Variants in KLHL8 observed in about 807,000 individuals in gnomAD.
The protein encoded by KLHL8 is kelch like family member 8.
A neutral mutation model predicts 63.5 loss-of-function variants in KLHL8; 38 were observed. The observed-to-expected ratio is 0.60, with a 90% CI of 0.46 to 0.78. The LOEUF is 0.78. Ranked by LOEUF, KLHL8 falls within the 30% of genes least tolerant of loss-of-function variation. KLHL8 has a pLI of 0.00. For synonymous variants in KLHL8, 224 were observed against 254.3 expected, an observed-to-expected ratio of 0.88 and a Z score of 1.13; for missense variants, 566 against 752.4, an observed-to-expected ratio of 0.75 and a Z score of 2.90.
intron 1 of KLHL8, among the ~76,000 whole-genome samples, chr4:87,226,701 A>ATT: frequency 6.8e-5 from 1 of 14,762 alleles, no homozygotes; most frequent in African/African-American, 3.7e-4. Context: ...TATATTATTT[A>ATT]TATATAATAT....
At chr4:87,212,385 G>T (rs1732436472) in intron 1 of KLHL8, among the ~76,000 whole-genome samples, 1 of 152,044 alleles carries the variant, frequency 6.6e-6, no homozygotes, top group South Asian at 2.1e-4. Context: ...TTCAAGACCA[G>T]CCTGAGCAAC....
intron 1 of KLHL8, among the ~76,000 whole-genome samples, chr4:87,230,145 C>T (rs1020472383): frequency 6.6e-6 from 1 of 152,084 alleles, no homozygotes; most frequent in African/African-American, 2.4e-5. Context: ...AGTAAGAGAG[C>T]GGTTCCTGGA....
intron 1 of KLHL8, chr4:87,208,011 G>A: frequency 1.4e-6 from 1 of 706,004 alleles, no homozygotes; most frequent in Non-Finnish European, 2.6e-6. Flanking sequence ...ACTTTGTCAA[G>A]ATCATTTCTT....
intron 1 of KLHL8, among the ~76,000 whole-genome samples, chr4:87,232,788 G>T (rs574162296): frequency 6.6e-6 from 1 of 152,154 alleles, no homozygotes; most frequent in East Asian, 1.9e-4. Context: ...ATCTAGTTAT[G>T]AATGAGGTTT....
intron 1 of KLHL8, among the ~76,000 whole-genome samples, chr4:87,204,362 T>C (rs1444861041): frequency 6.7e-6 from 1 of 149,968 alleles, no homozygotes; most frequent in East Asian, 2.0e-4. Context: ...CTGGTGGCAA[T>C]GCAAAACAGC....
intron 4 of KLHL8, among the ~76,000 whole-genome samples, chr4:87,179,150 A>G (rs1730950941): frequency 6.6e-6 from 1 of 152,146 alleles, no homozygotes; most frequent in Non-Finnish European, 1.5e-5. Flanking sequence ...ATACATTTCT[A>G]AGCCACATCT....
intron 1 of KLHL8, among the ~76,000 whole-genome samples, chr4:87,212,405 G>T (rs116770428): frequency 6.6e-6 from 1 of 152,042 alleles, no homozygotes; most frequent in Non-Finnish European, 1.5e-5. Context: ...CATAGTGAGA[G>T]CCAGTCTCGA....
At chr4:87,171,902 A>G (rs1487727829) in intron 6 of KLHL8, among the ~76,000 whole-genome samples, 1 of 152,138 alleles carries the variant, frequency 6.6e-6, no homozygotes, top group Non-Finnish European at 1.5e-5. Flanking sequence ...ATATTTTCAG[A>G]CATATACCCA....
At chr4:87,193,923 T>A (rs1208310476) in intron 2 of KLHL8, among the ~76,000 whole-genome samples, 1 of 152,248 alleles carries the variant, frequency 6.6e-6, no homozygotes, top group African/African-American at 2.4e-5. Flanking sequence ...ACTGATTTAC[T>A]AGCGGAATGG....
At chr4:87,208,110 C>A in intron 1 of KLHL8, 1 of 493,654 alleles carries the variant, frequency 2.0e-6, no homozygotes, top group South Asian at 1.7e-5. Context: ...GACCACCAGC[C>A]CCAGAGAGAG....
intron 1 of KLHL8, among the ~76,000 whole-genome samples, chr4:87,219,300 G>A (rs141965637): frequency 6.6e-6 from 1 of 152,212 alleles, no homozygotes; most frequent in Non-Finnish European, 1.5e-5. Flanking sequence ...GCCAGAACAC[G>A]AGAAAGATGC....
rs1024860704 is a variant in KLHL8, at chr4:87,205,644, TG to T, written c.-151-9955del. 2.4e-4 allele frequency among the ~76,000 whole-genome samples: 37 copies of T among 152,218 alleles called. 1 individual carries two copies. The highest frequency in any genetic ancestry group is 8.2e-4 in the African/African-American group (34 of 41,542). On this transcript the variant is annotated intron_variant, in intron 1 of 9. Coordinates refer to ENST00000273963, the MANE Select transcript of KLHL8 (RefSeq NM_020803.5). Reference sequence around the variant, plus strand: ...ATACAGGGCTAATTTTTGTATTTTTTGTAGAGATGGGGTTTTGCCATGTTGC... The same window carrying T: ...ATACAGGGCTAATTTTTGTATTTTTTTAGAGATGGGGTTTTGCCATGTTGC...
At chr4:87,168,839 A>C (rs968158205) in intron 8 of KLHL8, among the ~76,000 whole-genome samples, 1 of 149,838 alleles carries the variant, frequency 6.7e-6, no homozygotes, top group Admixed American at 6.7e-5. Context: ...CTTCTTTTTT[A>C]AGACACAATC....
intron 1 of KLHL8, among the ~76,000 whole-genome samples, chr4:87,197,889 T>C (rs1013570116): frequency 6.6e-6 from 1 of 151,960 alleles, no homozygotes; most frequent in East Asian, 1.9e-4. Flanking sequence ...TTGTGGGCCA[T>C]ATGGGTCTCT....
intron 1 of KLHL8, among the ~76,000 whole-genome samples, chr4:87,235,102 T>A (rs990222517): frequency 1.3e-5 from 2 of 152,104 alleles, no homozygotes; most frequent in Admixed American, 1.3e-4. Context: ...TAAATAAATA[T>A]ATTTTATTTA....
chr4:87,163,208 T>TAG lies in KLHL8; in HGVS notation c.*309_*310dup, dbSNP rs61336065. Reference sequence around the variant, plus strand: ...CAAATTACATTTTGATTCATCCAAATAGAGAGAGAGAGAGAGATTTCAAGA... The same window carrying TAG: ...CAAATTACATTTTGATTCATCCAAATAGAGAGAGAGAGAGAGAGATTTCAAGA... On this transcript the variant is annotated 3_prime_UTR_variant, in exon 10 of 10. Coordinates refer to ENST00000273963, the MANE Select transcript of KLHL8 (RefSeq NM_020803.5). 0.12 allele frequency: 24,572 copies of TAG among 202,226 alleles called. 3,460 individuals are homozygous for TAG. Among genetic ancestry groups the TAG allele is most frequent in the African/African-American group, 0.38 (16,219 of 42,224 alleles). 12.5% of individuals were successfully genotyped at this position (202,226 alleles called of 1,614,324 possible).
intron 8 of KLHL8, among the ~76,000 whole-genome samples, chr4:87,169,230 G>GT (rs1730542110): frequency 6.6e-6 from 1 of 152,152 alleles, no homozygotes. Flanking sequence ...GCTTGAACAT[G>GT]TGTGGCAGAG....
chr4:87,213,678 C>T (rs1395536693), intron 1 of KLHL8, among the ~76,000 whole-genome samples: 1 of 152,138 alleles, frequency 6.6e-6, no homozygotes, highest in Non-Finnish European at 1.5e-5. Flanking sequence ...TGGCTGTGTT[C>T]CAATAAAACT....
chr4:87,178,543 T>C lies in KLHL8; in HGVS notation c.1030A>G (p.Asn344Asp). 6.2e-7 allele frequency: 1 copy of C among 1,612,314 alleles called. No individual in the cohort carries two copies. The highest frequency in any genetic ancestry group is 8.5e-7 in the Non-Finnish European group (1 of 1,179,690). ...ATTTCTGGTCCAAAGAACCAACTGT[T>C]TTTGTTGATAGAATAGCATTCAATA... is the stretch of plus-strand genomic sequence containing the variant. ...RSIECYSINK[N>D]SWFFGPEMNS... The change falls in exon 5 of 10, where the codon AAC (asparagine) becomes GAC (aspartate). Residue 344 changes from asparagine to aspartate, a missense_variant. Transcript: ENST00000273963.
Sources: allele counts gnomAD v4.1 joint callset (sites outside exome capture counted in the v4.1 genomes callset), GRCh38; gene constraint gnomAD v4.1.1; transcripts MANE v1.5; gene names NCBI Gene and HGNC (gene_info 2026-07-23, HGNC 2026-07-21).